G3BP2: variants seen among roughly 807,000 people sequenced by gnomAD.
G3BP2 encodes the protein ras GTPase-activating protein-binding protein 2.
Under a neutral mutation model 56.7 loss-of-function variants are expected in G3BP2, and 11 were observed. The observed-to-expected ratio is 0.19, with a 90% CI of 0.12 to 0.32. G3BP2 has a LOEUF of 0.32. Among genes scored for constraint, G3BP2 ranks in the 10% least tolerant of loss-of-function variants. The pLI, the probability that G3BP2 is intolerant of heterozygous loss-of-function variation, is 1.00. For missense variants in G3BP2, 340 were observed against 610.9 expected (o/e 0.56, Z 4.67); for synonymous variants, 165 against 191.6 (o/e 0.86, Z 1.15).
intron 3 of G3BP2, among the ~76,000 whole-genome samples, chr4:75,681,325 A>AAAAT (rs58606796): frequency 0.61 from 91,420 of 149,858 alleles, 28,203 homozygotes; most frequent in East Asian, 0.87. Context: ...CTCCGTCTCA[A>AAAAT]AAATAAATAA....
intron 8 of G3BP2, among the ~76,000 whole-genome samples, chr4:75,651,478 T>C (rs1731696258): frequency 6.6e-6 from 1 of 152,240 alleles, no homozygotes; most frequent in Admixed American, 6.5e-5. Flanking sequence ...ATTCATGCCA[T>C]TGATTTAGGA....
chr4:75,721,497 A>G (rs2149125408), intron 2 of G3BP2, among the ~76,000 whole-genome samples: 1 of 152,062 alleles, frequency 6.6e-6, no homozygotes, highest in Middle Eastern at 3.4e-3. Flanking sequence ...AGCTTAAATG[A>G]TCCTCCCACC....
intron 3 of G3BP2, among the ~76,000 whole-genome samples, chr4:75,694,552 C>G (rs753297187): frequency 2.6e-5 from 4 of 152,204 alleles, no homozygotes; most frequent in Non-Finnish European, 4.4e-5. Flanking sequence ...TGCACTGAGC[C>G]GAGATCGCGC....
intron 1 of G3BP2, among the ~76,000 whole-genome samples, chr4:75,723,871 A>G (rs1451789604): frequency 3.3e-5 from 5 of 150,614 alleles, no homozygotes; most frequent in Non-Finnish European, 4.4e-5. Flanking sequence ...CAGGCATACC[A>G]ATTAGAGAAA....
At chr4:75,653,116 A>T (rs1054832816) in intron 8 of G3BP2, among the ~76,000 whole-genome samples, 1 of 151,960 alleles carries the variant, frequency 6.6e-6, no homozygotes, top group Non-Finnish European at 1.5e-5. Flanking sequence ...AAAAAAAAAA[A>T]GTATCACGGG....
chr4:75,675,748 C>T (rs1578419340), upstream of G3BP2, among the ~76,000 whole-genome samples: 1 of 152,116 alleles, frequency 6.6e-6, no homozygotes, highest in African/African-American at 2.4e-5. Flanking sequence ...GCTGAGATCG[C>T]GCTATTGCAC....
At chr4:75,674,904 G>A (rs1387685170), upstream of G3BP2, among the ~76,000 whole-genome samples, 1 of 151,330 alleles carries the variant, frequency 6.6e-6, no homozygotes, top group Admixed American at 6.6e-5. Context: ...TATATTTTTA[G>A]TAGAGACGAG....
At chr4:75,671,396 A>G (rs1249306788) in intron 1 of G3BP2, among the ~76,000 whole-genome samples, 1 of 152,232 alleles carries the variant, frequency 6.6e-6, no homozygotes, top group Non-Finnish European at 1.5e-5. Context: ...TTCAGAATCT[A>G]AAGACACAGT....
chr4:75,701,013 T>C (rs1000453956), intron 3 of G3BP2, among the ~76,000 whole-genome samples: 3 of 151,718 alleles, frequency 2.0e-5, no homozygotes, highest in Admixed American at 6.6e-5. Flanking sequence ...ATATATTTTT[T>C]TGTATTTTTA....
At chr4:75,676,336 A>ATTTTTTTTT (rs34017434), upstream of G3BP2, among the ~76,000 whole-genome samples, 3 of 92,076 alleles carry the variant, frequency 3.3e-5, no homozygotes, top group Admixed American at 1.3e-4. Context: ...ATTGCCAATA[A>ATTTTTTTTT]TTTTTTTTTT....
intron 1 of G3BP2, among the ~76,000 whole-genome samples, chr4:75,667,963 C>A (rs3775071): frequency 0.38 from 58,471 of 152,042 alleles, 12,022 homozygotes; most frequent in African/African-American, 0.5. Flanking sequence ...CCTATCGCAC[C>A]TAAAATCCCA....
chr4:75,649,304 A>G (rs1396773190), intron 8 of G3BP2, among the ~76,000 whole-genome samples: 1 of 152,216 alleles, frequency 6.6e-6, no homozygotes, highest in Non-Finnish European at 1.5e-5. Flanking sequence ...GTTAAAATGC[A>G]TGTTAAAAAA....
intron 3 of G3BP2, among the ~76,000 whole-genome samples, chr4:75,714,069 C>A (rs888625578): frequency 3.3e-5 from 5 of 152,164 alleles, no homozygotes; most frequent in Admixed American, 2.0e-4. Context: ...AACATATAAT[C>A]CTGAATTGGA....
rs1266833751 is a variant in G3BP2, at chr4:75,644,131, C to T, written c.*1299G>A. The T allele has an allele frequency of 6.6e-6, 1 of 152,612 alleles. No homozygotes were observed. Among genetic ancestry groups the T allele is most frequent in the African/African-American group, 2.4e-5 (1 of 41,442 alleles). The allele number at this position is 152,612 out of a possible 1,614,324, so 9.5% of individuals were successfully genotyped here. On this transcript the variant is annotated 3_prime_UTR_variant, in exon 12 of 12. Coordinates refer to ENST00000359707, the MANE Select transcript of G3BP2 (RefSeq NM_203505.3). Reference sequence around the variant, plus strand: ...TCCGAAAATTGCAGTATCCTCACTTCAGGCTTACTTGCCATTTATAGAATC... The same window carrying T: ...TCCGAAAATTGCAGTATCCTCACTTTAGGCTTACTTGCCATTTATAGAATC...
intron 3 of G3BP2, among the ~76,000 whole-genome samples, chr4:75,699,327 A>G (rs1184523284): frequency 6.6e-6 from 1 of 152,220 alleles, no homozygotes; most frequent in African/African-American, 2.4e-5. Context: ...GCTGTCTCCA[A>G]TTCCTCTTCT....
At chr4:75,673,689 G>GC, upstream of G3BP2, 3 of 1,143,492 alleles carry the variant, frequency 2.6e-6, no homozygotes, top group Non-Finnish European at 3.3e-6. Context: ...CTCCAGCCTT[G>GC]CCGCCCTTCT....
chr4:75,647,992 T>C (rs955773181), intron 9 of G3BP2, among the ~76,000 whole-genome samples: 4 of 152,216 alleles, frequency 2.6e-5, no homozygotes, highest in African/African-American at 9.6e-5. Context: ...GCTTATTGTT[T>C]ATCTGTAAAG....
intron 3 of G3BP2, among the ~76,000 whole-genome samples, chr4:75,691,616 C>A (rs1214229715): frequency 1.3e-5 from 2 of 152,220 alleles, no homozygotes; most frequent in African/African-American, 4.8e-5. Flanking sequence ...TCACTGCTTA[C>A]CTTCTCTGTA....
Position 75,643,823 on chromosome 4 carries a change from A to G in G3BP2, c.*1607T>C, listed in dbSNP as rs796749705. On this transcript the variant is annotated 3_prime_UTR_variant, in exon 12 of 12. Coordinates refer to ENST00000359707, the MANE Select transcript of G3BP2 (RefSeq NM_203505.3). Reference sequence around the variant, plus strand: ...TTACCCCACTCCTGCCTGAAACATCAGAAACTGGTATGTACTGACTGCTCC... The same window carrying G: ...TTACCCCACTCCTGCCTGAAACATCGGAAACTGGTATGTACTGACTGCTCC... 9 of 152,770 alleles carry G rather than the reference A, an allele frequency of 5.9e-5. No individual in the cohort carries two copies. Among genetic ancestry groups the G allele is most frequent in the African/African-American group, 2.2e-4 (9 of 41,586 alleles). 9.5% of individuals were successfully genotyped at this position (152,770 alleles called of 1,614,324 possible).
Sources: gnomAD v4.1 joint callset for allele counts (sites outside exome capture counted in the v4.1 genomes callset) on GRCh38, gnomAD v4.1.1 for gene constraint, MANE v1.5 for transcripts, NCBI Gene and HGNC (gene_info 2026-07-23, HGNC 2026-07-21) for gene names.